Variants in SPATS2 observed in about 807,000 individuals in gnomAD.
The protein encoded by SPATS2 is spermatogenesis associated serine rich 2.
Under a neutral mutation model 63.7 loss-of-function variants are expected in SPATS2, and 38 were observed. The ratio of observed to expected loss-of-function variants is 0.60; its 90% CI spans 0.46 to 0.78. The LOEUF (loss-of-function observed/expected upper bound fraction) is 0.78. Among genes scored for constraint, SPATS2 ranks in the 30% least tolerant of loss-of-function variants. SPATS2 has a pLI of 0.00. For missense variants in SPATS2, 588 were observed against 666.2 expected, an observed-to-expected ratio of 0.88 and a Z score of 1.29; for synonymous variants, 207 against 232.9, an observed-to-expected ratio of 0.89 and a Z score of 1.01.
intron 11 of SPATS2, among the ~76,000 whole-genome samples, chr12:49,520,823 A>G (rs1243938614): frequency 2.0e-5 from 3 of 151,294 alleles, no homozygotes; most frequent in African/African-American, 7.3e-5. Context: ...GGTTCAAGCG[A>G]TTCTCGTGCC....
At chr12:49,403,905 A>C (rs574244138) in intron 2 of SPATS2, among the ~76,000 whole-genome samples, 11 of 152,260 alleles carry the variant, frequency 7.2e-5, no homozygotes, top group African/African-American at 2.4e-4. Flanking sequence ...GGGAAGGGAG[A>C]GTAAAGTACT....
intron 2 of SPATS2, among the ~76,000 whole-genome samples, chr12:49,393,537 T>A (rs1437823988): frequency 6.6e-6 from 1 of 152,244 alleles, no homozygotes; most frequent in Non-Finnish European, 1.5e-5. Context: ...TGTTCGTATT[T>A]AGAATAATGA....
chr12:49,504,007 A>AT (rs1169112079), intron 9 of SPATS2, among the ~76,000 whole-genome samples: 1 of 152,198 alleles, frequency 6.6e-6, no homozygotes, highest in Non-Finnish European at 1.5e-5. Flanking sequence ...GCTCTGGTTG[A>AT]TTGAGTTTAT....
At chr12:49,404,883 A>G (rs1163211549) in intron 2 of SPATS2, among the ~76,000 whole-genome samples, 2 of 152,188 alleles carry the variant, frequency 1.3e-5, no homozygotes, top group Admixed American at 1.3e-4. Flanking sequence ...TAAGTGGTTG[A>G]AAGAATAAAA....
At chr12:49,516,633 G>C (rs1016663138) in intron 10 of SPATS2, among the ~76,000 whole-genome samples, 1 of 151,678 alleles carries the variant, frequency 6.6e-6, no homozygotes, top group Non-Finnish European at 1.5e-5. Context: ...TTGAACCCAG[G>C]GGGCAGAGGT....
chr12:49,475,060 G>T (rs1320104742), intron 3 of SPATS2, among the ~76,000 whole-genome samples: 1 of 152,180 alleles, frequency 6.6e-6, no homozygotes, highest in Non-Finnish European at 1.5e-5. Context: ...CTCCCACCGG[G>T]TCTGTCCCAC....
chr12:49,372,383 C>T (rs1944013713), intron 2 of SPATS2, among the ~76,000 whole-genome samples: 1 of 152,156 alleles, frequency 6.6e-6, no homozygotes, highest in African/African-American at 2.4e-5. Context: ...TTGTCATATG[C>T]TACCTGAAGG....
intron 10 of SPATS2, among the ~76,000 whole-genome samples, chr12:49,517,759 T>G (rs541446659): frequency 7.2e-5 from 11 of 152,202 alleles, no homozygotes; most frequent in Non-Finnish European, 1.5e-4. Context: ...TGAGTTCTGC[T>G]TATATCTCAA....
chr12:49,523,331 A>G (rs1226769439), intron 12 of SPATS2, among the ~76,000 whole-genome samples: 1 of 136,484 alleles, frequency 7.3e-6, no homozygotes, highest in Non-Finnish European at 1.6e-5. Flanking sequence ...AAAAGAAAAA[A>G]TTAGCCAGGT....
At chr12:49,385,931 C>T (rs1350696733) in intron 2 of SPATS2, among the ~76,000 whole-genome samples, 1 of 149,272 alleles carries the variant, frequency 6.7e-6, no homozygotes, top group African/African-American at 2.5e-5. Flanking sequence ...TGCAGTGGTG[C>T]GATCTTACTG....
intron 2 of SPATS2, among the ~76,000 whole-genome samples, chr12:49,411,862 C>T (rs931285525): frequency 2.0e-5 from 3 of 152,110 alleles, no homozygotes; most frequent in Admixed American, 1.3e-4. Flanking sequence ...TAGTTCTTGG[C>T]TCAGCTGTTT....
chr12:49,513,211 G>A (rs995449381), intron 9 of SPATS2, among the ~76,000 whole-genome samples: 4 of 98,480 alleles, frequency 4.1e-5, no homozygotes, highest in Admixed American at 9.3e-5. Flanking sequence ...GAGAGAAAGA[G>A]TGTGTGTGTG....
intron 2 of SPATS2, among the ~76,000 whole-genome samples, chr12:49,421,359 G>A (rs1944978836): frequency 7.0e-6 from 1 of 142,938 alleles, no homozygotes. Flanking sequence ...CAGAGGTTGT[G>A]GTGAGTGGAG....
intron 1 of SPATS2, among the ~76,000 whole-genome samples, chr12:49,370,987 T>G (rs1308235933): frequency 1.3e-5 from 2 of 152,234 alleles, no homozygotes; most frequent in Non-Finnish European, 2.9e-5. Flanking sequence ...GTGTTGGGAT[T>G]ATAGCATGAG....
rs10601423 is a variant in SPATS2 at position 49,375,141 on chromosome 12, AGTGTGTGTGTGTGTGTGTGT to A, written c.-244+3887_-244+3906del. The stretch of plus-strand genomic sequence containing the variant: ...CAAGATGTATGATTGCAAGTTGTGG[AGTGTGTGTGTGTGTGTGTGT>A]GTGTGTGTGTGTGTGTGTGTGTGTG... On this transcript the variant is annotated intron_variant, in intron 2 of 13. Transcript: ENST00000552918. Among the ~76,000 whole-genome samples the A allele has an allele frequency of 3.5e-3, 431 of 123,382 alleles. 2 individuals carry two copies. The highest frequency in any genetic ancestry group is 0.01 in the African/African-American group (319 of 31,192). The allele number at this position is 123,382 out of a possible 152,430, so 80.9% of individuals were successfully genotyped here. A position where few individuals can be genotyped will look rare whatever the true frequency, so the allele number is the denominator to read the frequency against.
At chr12:49,477,775 T>C (rs1185849400) in intron 3 of SPATS2, among the ~76,000 whole-genome samples, 7 of 152,160 alleles carry the variant, frequency 4.6e-5, no homozygotes, top group Non-Finnish European at 1.5e-5. Context: ...TTCCCTGATG[T>C]GCTCTGATTT....
chr12:49,440,372 T>C (rs1348115550), intron 2 of SPATS2, among the ~76,000 whole-genome samples: 1 of 152,192 alleles, frequency 6.6e-6, no homozygotes. Flanking sequence ...TCTCCCGCTC[T>C]TAAGATCTAA....
intron 2 of SPATS2, among the ~76,000 whole-genome samples, chr12:49,378,036 G>A (rs1237170968): frequency 2.6e-5 from 4 of 152,190 alleles, no homozygotes; most frequent in African/African-American, 4.8e-5. Flanking sequence ...ACAATGGCAC[G>A]ATCTTGGCTC....
chr12:49,526,408 T>C lies in SPATS2; in HGVS notation c.*153T>C, dbSNP rs917898419. ...GTATTTTTGGTTTCTTGTCTCCTTA[T>C]TTCCTCTTTACCATTTTTGGAGGGG... On this transcript the variant is annotated 3_prime_UTR_variant, in exon 14 of 14. Coordinates refer to ENST00000552918, the MANE Select transcript of SPATS2 (RefSeq NM_023071.4). 2 of 927,402 alleles carry C rather than the reference T, an allele frequency of 2.2e-6. No homozygotes were observed. The highest frequency in any genetic ancestry group is 1.7e-5 in the African/African-American group (1 of 59,886). 57.4% of individuals were successfully genotyped at this position (927,402 alleles called of 1,614,324 possible). A position where few individuals can be genotyped will look rare whatever the true frequency, so the allele number is the denominator to read the frequency against.
Sources: gnomAD v4.1 joint callset for allele counts (sites outside exome capture counted in the v4.1 genomes callset) on GRCh38, gnomAD v4.1.1 for gene constraint, MANE v1.5 for transcripts, NCBI Gene and HGNC (gene_info 2026-07-23, HGNC 2026-07-21) for gene names.